STK24: variants seen among roughly 807,000 people sequenced by gnomAD.
STK24 encodes the protein serine/threonine-protein kinase 24.
Under a neutral mutation model 55.6 loss-of-function variants are expected in STK24, and 21 were observed. The ratio of observed to expected loss-of-function variants is 0.38; its 90% confidence interval spans 0.27 to 0.54. The LOEUF (loss-of-function observed/expected upper bound fraction) is 0.54, where lower values mean the gene tolerates loss of function less well. STK24 is among the 20% of genes least tolerant of loss of function. The probability of loss-of-function intolerance (pLI) is 0.79; values close to 1 mark genes in which losing one functional copy is unlikely to be tolerated. For missense variants in STK24, 383 were observed against 538.4 expected (o/e 0.71, Z 2.86); for synonymous variants, 200 against 215.2 (o/e 0.93, Z 0.62).
intron 2 of STK24, among the ~76,000 whole-genome samples, chr13:98,492,129 C>A (rs1895067616): frequency 2.6e-5 from 4 of 151,256 alleles, no homozygotes; most frequent in Admixed American, 2.0e-4. Flanking sequence ...CAACAGATCG[C>A]AAGAGGCTCA....
chr13:98,479,367 T>G (rs1471495677), intron 3 of STK24, among the ~76,000 whole-genome samples: 1 of 152,228 alleles, frequency 6.6e-6, no homozygotes, highest in Admixed American at 6.5e-5. Flanking sequence ...CTATTTTCTA[T>G]TTTATATTCA....
At chr13:98,494,044 G>T (rs1432089755) in intron 2 of STK24, among the ~76,000 whole-genome samples, 1 of 149,850 alleles carries the variant, frequency 6.7e-6, no homozygotes, top group African/African-American at 2.4e-5. Flanking sequence ...GGGCTTCACC[G>T]TGTTAGCCAG....
intron 3 of STK24, among the ~76,000 whole-genome samples, chr13:98,476,026 A>G (rs970122256): frequency 4.0e-5 from 6 of 151,526 alleles, no homozygotes; most frequent in Non-Finnish European, 8.8e-5. Context: ...TATATAATAG[A>G]TATTATATAA....
intron 9 of STK24, among the ~76,000 whole-genome samples, chr13:98,458,035 G>T (rs1205754316): frequency 2.0e-5 from 3 of 152,184 alleles, no homozygotes; most frequent in Non-Finnish European, 2.9e-5. Context: ...ATGTTAATGG[G>T]TTGGTTCTTA....
At chr13:98,466,344 A>G (rs1382707890) in intron 6 of STK24, 32 bp downstream of exon 6, 2 of 1,603,580 alleles carry the variant, frequency 1.2e-6, no homozygotes, top group Non-Finnish European at 1.7e-6. Flanking sequence ...GCCGCACATG[A>G]AGAGGTACGC....
chr13:98,493,905 C>A (rs1286131297), intron 2 of STK24, among the ~76,000 whole-genome samples: 1 of 147,644 alleles, frequency 6.8e-6, no homozygotes, highest in Non-Finnish European at 1.5e-5. Flanking sequence ...TGCAGTGGTG[C>A]GATCTTGGCT....
intron 2 of STK24, among the ~76,000 whole-genome samples, chr13:98,510,239 G>A (rs1429111901): frequency 6.6e-6 from 1 of 152,124 alleles, no homozygotes; most frequent in Non-Finnish European, 1.5e-5. Flanking sequence ...CCCGAGTCGG[G>A]GCTCAGACCA....
chr13:98,568,648 C>A (rs530469121), intron 1 of STK24, among the ~76,000 whole-genome samples: 3 of 152,222 alleles, frequency 2.0e-5, no homozygotes, highest in South Asian at 2.1e-4. Context: ...ATGTGGATCA[C>A]CTGAGGTCAG....
chr13:98,448,066 T>A lies in STK24; in HGVS notation c.*5107A>T. The A allele has an allele frequency of 1.5e-6, 1 of 645,780 alleles. No homozygotes were observed. Among genetic ancestry groups the A allele is most frequent in the Non-Finnish European group, 2.8e-6 (1 of 353,856 alleles). The allele number at this position is 645,780 out of a possible 1,614,324, so 40.0% of individuals were successfully genotyped here. A position where few individuals can be genotyped will look rare whatever the true frequency, so the allele number is the denominator to read the frequency against. ...AGTGCCCAGGCCAGTGGGTCTCCACTGTACCTCAGGAACGCCTGGGTGCTG... is the reference window on the plus strand; with the variant it reads ...AGTGCCCAGGCCAGTGGGTCTCCACAGTACCTCAGGAACGCCTGGGTGCTG... On this transcript the variant is annotated 3_prime_UTR_variant, in exon 11 of 11. Coordinates refer to ENST00000539966, the MANE Select transcript of STK24 (RefSeq NM_001032296.4).
chr13:98,456,498 C>A (rs1473090508), intron 10 of STK24: 1 of 514,852 alleles, frequency 1.9e-6, no homozygotes, highest in Admixed American at 2.0e-5. Flanking sequence ...ACATCCACTG[C>A]CTCCAAACGC....
rs183861436 is a variant in STK24, at chr13:98,457,794, T to C, written c.1123-490A>G. ...CCGGGTTCCTTTTGAAGAAAGGTGA[T>C]TCAAATGCTCTGAGAGCAGTTATGT... On this transcript the variant is annotated intron_variant, in intron 9 of 10. Transcript: ENST00000539966. 1.8e-4 allele frequency among the ~76,000 whole-genome samples: 28 copies of C among 152,312 alleles called. No homozygotes were observed. In the East Asian group the frequency reaches 4.1e-3, roughly 22 times the overall value.
At position 98,545,461 on chromosome 13, in the gene STK24, C is replaced by T. The variant is rs1458254814; in HGVS notation, c.43-25988G>A. On this transcript the variant is annotated intron_variant, in intron 1 of 10. Transcript: ENST00000539966. ...GGAGATCCAGATCACGGTGAAACCC[C>T]GTCTCCACTAAAAATACAAAAAATT... 5.9e-5 allele frequency among the ~76,000 whole-genome samples: 9 copies of T among 151,986 alleles called. No individual in the cohort carries two copies. The South Asian group carries it at 1.3e-3, about 21-fold the overall frequency.
chr13:98,475,043 C>G lies in STK24; in HGVS notation c.440-65G>C. 4 of 1,528,090 alleles carry G rather than the reference C, an allele frequency of 2.6e-6. No homozygotes were observed. In the Admixed American group the frequency reaches 6.3e-5, roughly 24 times the overall value. 94.7% of individuals were successfully genotyped at this position (1,528,090 alleles called of 1,614,324 possible). ...TTACAACTCCGTGCACTGCCACAAG[C>G]GCGTCTTCTCCCTGGCTGGGTGGCG... On this transcript the variant is annotated intron_variant, in intron 4 of 10. Coordinates refer to ENST00000539966, the MANE Select transcript of STK24 (RefSeq NM_001032296.4).
chr13:98,476,592 T>C (rs1217972349), intron 3 of STK24, among the ~76,000 whole-genome samples: 1 of 152,270 alleles, frequency 6.6e-6, no homozygotes, highest in Non-Finnish European at 1.5e-5. Context: ...TGCACATCTC[T>C]GGGACAGAGC....
chr13:98,572,903 A>G (rs1897779471), intron 1 of STK24, among the ~76,000 whole-genome samples: 1 of 152,222 alleles, frequency 6.6e-6, no homozygotes, highest in Non-Finnish European at 1.5e-5. Context: ...TGTGAAATCA[A>G]TCTAGTGTTG....
chr13:98,502,398 G>A (rs915224585), intron 2 of STK24, among the ~76,000 whole-genome samples: 20 of 152,118 alleles, frequency 1.3e-4, no homozygotes, highest in Admixed American at 3.3e-4. Flanking sequence ...GATCAAGTGG[G>A]AACAAAGACC....
In STK24 at chr13:98,463,712, G is replaced by A. The variant is rs755112984; in HGVS notation, c.908C>T (p.Ser303Leu). 1.6e-5 allele frequency: 26 copies of A among 1,613,886 alleles called. No homozygotes were observed. The highest frequency in any genetic ancestry group is 4.4e-5 in the South Asian group (4 of 91,068). The change falls in exon 7 of 11, where the codon TCG (serine) becomes TTG (leucine). Residue 303 changes from serine to leucine, a missense_variant. Transcript: ENST00000539966. ...RWKAEQSHDD[S>L]SSEDSDAETD... ...TTACGCGTCGGAATCCTCGGAGCTCGAGTCGTCATGGCTCTGCTCGGCCTT... is the reference window on the plus strand; with the variant it reads ...TTACGCGTCGGAATCCTCGGAGCTCAAGTCGTCATGGCTCTGCTCGGCCTT...
Position 98,575,406 on chromosome 13 carries a change from TAC to T in STK24, c.42+1337_42+1338del, listed in dbSNP as rs557819358. Among the ~76,000 whole-genome samples the T allele has an allele frequency of 3.6e-3, 538 of 148,488 alleles. 3 individuals carry two copies. Among genetic ancestry groups the T allele is most frequent in the Middle Eastern group, 0.011 (3 of 282 alleles). ...CACACATATATATACTGCTTATATA[TAC>T]ACACACACACACACACACACATATA... On this transcript the variant is annotated intron_variant, in intron 1 of 10. Transcript: ENST00000539966.
intron 1 of STK24, among the ~76,000 whole-genome samples, chr13:98,540,556 A>G (rs947806838): frequency 4.6e-5 from 7 of 152,210 alleles, no homozygotes; most frequent in Non-Finnish European, 8.8e-5. Flanking sequence ...AACCAAAAAA[A>G]GCTAAGTATT....
Sources: gnomAD v4.1 joint callset for allele counts (sites outside exome capture counted in the v4.1 genomes callset) on GRCh38, gnomAD v4.1.1 for gene constraint, MANE v1.5 for transcripts, NCBI Gene and HGNC (gene_info 2026-07-23, HGNC 2026-07-21) for gene names.